The following SHANK2 variants were observed in gnomAD, a reference collection of about 807,000 sequenced individuals.
SHANK2 encodes the protein SH3 and multiple ankyrin repeat domains 2, also known as SH3 and multiple ankyrin repeat domains protein 2.
A neutral mutation model predicts 133.7 loss-of-function variants in SHANK2; 43 were observed. The ratio of observed to expected loss-of-function variants is 0.32; its 90% confidence interval spans 0.25 to 0.41. The LOEUF is 0.41. SHANK2 is among the 10% of genes least tolerant of loss of function. SHANK2 has a pLI of 1.00. For synonymous variants in SHANK2, 1,017 were observed against 952.8 expected (o/e 1.07, Z -1.24); for missense variants, 1,994 against 2,235.8 (o/e 0.89, Z 2.18).
chr11:70,813,298 A>G (rs1948316653), intron 12 of SHANK2, among the ~76,000 whole-genome samples: 1 of 152,150 alleles, frequency 6.6e-6, no homozygotes, highest in Admixed American at 6.5e-5. Context: ...AGAGAAGGGC[A>G]AGGGCACGGG....
chr11:71,074,751 T>C (rs922450626), intron 9 of SHANK2, among the ~76,000 whole-genome samples: 69 of 151,810 alleles, frequency 4.5e-4, no homozygotes, highest in Non-Finnish European at 9.1e-4. Context: ...TTGTTTCTTT[T>C]GTAGTTTGCT....
intron 1 of SHANK2, among the ~76,000 whole-genome samples, chr11:71,233,051 C>A (rs1334551652): frequency 2.0e-5 from 3 of 152,092 alleles, no homozygotes; most frequent in African/African-American, 7.2e-5. Flanking sequence ...GTGACTCACA[C>A]CTGTAATCCC....
In SHANK2 at chr11:70,642,307, C is replaced by G. The variant is rs563678411; in HGVS notation, c.2061+17521G>C. Among the ~76,000 whole-genome samples, 3 of 131,110 alleles carry G rather than the reference C, an allele frequency of 2.3e-5. No individual in the cohort carries two copies. In the East Asian group the frequency reaches 7.0e-4, roughly 31 times the overall value. The allele number at this position is 131,110 out of a possible 152,430, so 86.0% of individuals were successfully genotyped here. ...CATGGGTCTTAAAACTTTGATTTTCCGTTCGATTCAAATTTAAATCCAGAA... is the reference window on the plus strand; with the variant it reads ...CATGGGTCTTAAAACTTTGATTTTCGGTTCGATTCAAATTTAAATCCAGAA... On this transcript the variant is annotated intron_variant, in intron 17 of 25. Coordinates refer to ENST00000601538, the MANE Select transcript of SHANK2 (RefSeq NM_012309.5).
rs539798195 is a variant in SHANK2 at position 71,174,117 on chromosome 11, G to T, written c.-12-26779C>A. Among the ~76,000 whole-genome samples, 107 of 152,346 alleles carry T rather than the reference G, an allele frequency of 7.0e-4. 1 individual carries two copies. The highest frequency in any genetic ancestry group is 2.5e-3 in the African/African-American group (104 of 41,574). On this transcript the variant is annotated intron_variant, in intron 2 of 25. Coordinates refer to ENST00000601538, the MANE Select transcript of SHANK2 (RefSeq NM_012309.5). ...GCTGTCGATGTATTTCTCTTTGGAT[G>T]ATATGTACGCTTCAAGTCTCATCCT...
intron 17 of SHANK2, among the ~76,000 whole-genome samples, chr11:70,659,152 C>T (rs918345552): frequency 6.6e-6 from 1 of 152,166 alleles, no homozygotes; most frequent in East Asian, 1.9e-4. Context: ...ACCAACGTGC[C>T]AACCGTAGGG....
chr11:70,809,841 A>G (rs1376749823), intron 12 of SHANK2, among the ~76,000 whole-genome samples: 4 of 152,166 alleles, frequency 2.6e-5, no homozygotes, highest in Non-Finnish European at 5.9e-5. Context: ...GGCTGCAAGC[A>G]GCTAGGACTT....
intron 11 of SHANK2, among the ~76,000 whole-genome samples, chr11:70,834,723 G>A (rs1313547073): frequency 1.3e-5 from 2 of 152,186 alleles, no homozygotes; most frequent in Non-Finnish European, 2.9e-5. Context: ...AATAATGCGG[G>A]GTTATCTTTG....
At position 70,908,055 on chromosome 11, in the gene SHANK2, C is replaced by A. The variant is rs530828255; in HGVS notation, c.1108-11488G>T. 2.4e-5 allele frequency: 9 copies of A among 380,374 alleles called. No homozygotes were observed. In the East Asian group the frequency reaches 7.0e-4, roughly 29 times the overall value. The allele number at this position is 380,374 out of a possible 1,614,324, so 23.6% of individuals were successfully genotyped here. ...AGTGGAGGTTGCAGTGAGCCGGGAT[C>A]GTGCCATTGCACTCTGCGCAACAGA... On this transcript the variant is annotated intron_variant, in intron 10 of 25. Transcript: ENST00000601538.
chr11:70,583,288 AG>A (rs1256901701), intron 17 of SHANK2, among the ~76,000 whole-genome samples: 3 of 152,264 alleles, frequency 2.0e-5, no homozygotes, highest in Admixed American at 2.0e-4. Flanking sequence ...TTGCTGGCAG[AG>A]GGAGCATGTG....
At chr11:70,553,044 A>C (rs1239713228) in intron 17 of SHANK2, among the ~76,000 whole-genome samples, 2 of 152,122 alleles carry the variant, frequency 1.3e-5, no homozygotes, top group Non-Finnish European at 2.9e-5. Flanking sequence ...TTAAGGACAC[A>C]GTGATATCGG....
At chr11:71,073,136 C>CTTTTCTTTTTTTTTTTTTTTTTTTTTT (rs1951164763) in intron 9 of SHANK2, among the ~76,000 whole-genome samples, 2 of 72,336 alleles carry the variant, frequency 2.8e-5, no homozygotes, top group Non-Finnish European at 6.9e-5. Flanking sequence ...TGTTTTTTTT[C>CTTTTCTTTTTTTTTTTTTTTTTTTTTT]TTTTTCTTTT....
intron 17 of SHANK2, among the ~76,000 whole-genome samples, chr11:70,651,197 C>T (rs1213000444): frequency 6.6e-6 from 1 of 152,216 alleles, no homozygotes; most frequent in East Asian, 1.9e-4. Context: ...GGCATCTGAG[C>T]ACAGCAGCCA....
chr11:70,812,346 G>A (rs1468816759), intron 12 of SHANK2, among the ~76,000 whole-genome samples: 1 of 152,210 alleles, frequency 6.6e-6, no homozygotes, highest in African/African-American at 2.4e-5. Flanking sequence ...GTGACATACG[G>A]TTCCAGCCAA....
intron 17 of SHANK2, among the ~76,000 whole-genome samples, chr11:70,595,187 G>A (rs1211789869): frequency 7.9e-5 from 12 of 152,132 alleles, no homozygotes; most frequent in African/African-American, 2.2e-4. Context: ...ATCGGCCACC[G>A]GATGGAGTGG....
At chr11:71,124,198 T>C in intron 3 of SHANK2, among the ~76,000 whole-genome samples, 1 of 65,992 alleles carries the variant, frequency 1.5e-5, no homozygotes, top group Non-Finnish European at 2.8e-5. Flanking sequence ...GTGATGGTGA[T>C]GATGGTGGTG....
chr11:70,496,454 A>AC (rs1555157113), intron 21 of SHANK2, among the ~76,000 whole-genome samples: 1 of 152,070 alleles, frequency 6.6e-6, no homozygotes, highest in Non-Finnish European at 1.5e-5. Context: ...CGATTTTAGG[A>AC]CCTCAGGGCC....
At position 71,085,621 on chromosome 11, in the gene SHANK2, ATATAT is replaced by A. The variant is rs1196763473; in HGVS notation, c.912+6796_912+6800del. 2.1e-4 allele frequency among the ~76,000 whole-genome samples: 16 copies of A among 76,072 alleles called. 1 individual carries two copies. Among genetic ancestry groups the A allele is most frequent in the African/African-American group, 6.5e-4 (12 of 18,570 alleles). The allele number at this position is 76,072 out of a possible 152,430, so 49.9% of individuals were successfully genotyped here. On this transcript the variant is annotated intron_variant, in intron 8 of 25. Coordinates refer to ENST00000601538, the MANE Select transcript of SHANK2 (RefSeq NM_012309.5). ...ATATATATTAAATATATATTATATT[ATATAT>A]TATAATATATATAATATATTATGTT...
intron 24 of SHANK2, among the ~76,000 whole-genome samples, chr11:70,488,032 G>A (rs373704726): frequency 4.5e-4 from 69 of 152,348 alleles, no homozygotes; most frequent in East Asian, 9.7e-4. Flanking sequence ...ACGCTGAGCC[G>A]TGTGCCAGTC....
intron 2 of SHANK2, among the ~76,000 whole-genome samples, chr11:71,223,238 C>A (rs556600282): frequency 6.6e-6 from 1 of 152,302 alleles, no homozygotes; most frequent in Non-Finnish European, 1.5e-5. Context: ...TGCATGGGGC[C>A]GTGACTCCGA....
Sources: allele counts gnomAD v4.1 joint callset (sites outside exome capture counted in the v4.1 genomes callset), GRCh38; gene constraint gnomAD v4.1.1; transcripts MANE v1.5; gene names NCBI Gene and HGNC (gene_info 2026-07-23, HGNC 2026-07-21).